Variants in MLPH observed in about 807,000 individuals in gnomAD.
MLPH encodes the protein melanophilin, also known as exophilin-3.
A neutral mutation model predicts 72.1 loss-of-function variants in MLPH; 51 were observed. The observed-to-expected ratio is 0.71, with a 90% CI of 0.56 to 0.89. The LOEUF (loss-of-function observed/expected upper bound fraction) is 0.89, where lower values mean the gene tolerates loss of function less well. MLPH is among the 40% of genes least tolerant of loss of function. The pLI is 0.00. For missense variants in MLPH, 743 were observed against 759.9 expected (o/e 0.98, Z 0.26); for synonymous variants, 301 against 310.1 (o/e 0.97, Z 0.31).
At chr2:237,532,922 G>T (rs1432303040) in intron 8 of MLPH, among the ~76,000 whole-genome samples, 1 of 152,212 alleles carries the variant, frequency 6.6e-6, no homozygotes, top group Non-Finnish European at 1.5e-5. Context: ...TCCGCTGAGA[G>T]ATTGCAAAGA....
At chr2:237,519,109 C>G (rs2080120212) in intron 5 of MLPH, among the ~76,000 whole-genome samples, 1 of 151,766 alleles carries the variant, frequency 6.6e-6, no homozygotes, top group Non-Finnish European at 1.5e-5. Flanking sequence ...CAACCATGAG[C>G]CTTGTGTTTC....
Position 237,510,074 on chromosome 2 carries a change from T to C in MLPH, c.111-500T>C. 1 of 216,220 alleles carries C rather than the reference T, an allele frequency of 4.6e-6. No homozygotes were observed. The highest frequency in any genetic ancestry group is 9.3e-6 in the Non-Finnish European group (1 of 107,490). The allele number at this position is 216,220 out of a possible 1,614,324, so 13.4% of individuals were successfully genotyped here. On this transcript the variant is annotated intron_variant, in intron 2 of 15. Coordinates refer to ENST00000264605, the MANE Select transcript of MLPH (RefSeq NM_024101.7). This position sits in a 1 kb window ranked among gnomAD's most constrained non-coding sequence, Gnocchi z 4.4. The stretch of plus-strand genomic sequence containing the variant: ...CGGATGGTCTAGGAGAACTGTAGAC[T>C]TCCGGGTGCTAGATGATTCCTGCTC...
intron 4 of MLPH, chr2:237,518,169 T>G: frequency 2.7e-6 from 1 of 370,550 alleles, no homozygotes; most frequent in Non-Finnish European, 5.2e-6. Flanking sequence ...CATGGATGGA[T>G]GAGCCACTGA....
Position 237,505,797 on chromosome 2 carries a change from G to T in MLPH, c.111-4777G>T, listed in dbSNP as rs185485687. 6.6e-6 allele frequency among the ~76,000 whole-genome samples: 1 copy of T among 152,334 alleles called. No homozygotes were observed. The highest frequency in any genetic ancestry group is 1.9e-4 in the East Asian group (1 of 5,176). On this transcript the variant is annotated intron_variant, in intron 2 of 15. Coordinates refer to ENST00000264605, the MANE Select transcript of MLPH (RefSeq NM_024101.7). The surrounding 1 kb of genome is among the most constrained non-coding windows in gnomAD (Gnocchi z 4.5). The stretch of plus-strand genomic sequence containing the variant: ...GGCTGCCGGGCCTCCCTTGAGGACA[G>T]GAGTGCCCCCTTGGCTCTGTTCTGC...
At position 237,518,619 on chromosome 2, in the gene MLPH, C is replaced by G. The variant is rs970214875; in HGVS notation, c.526C>G (p.Gln176Glu). The G allele has an allele frequency of 1.2e-6, 2 of 1,612,776 alleles. No homozygotes were observed. The highest frequency in any genetic ancestry group is 3.3e-5 in the Admixed American group (2 of 59,962). ...GGATGGAGAACCTGGCTCAGAGGCC[C>G]AGGCCCAGGCCCAGCCCTTTGGCAG... ...DEDGEPGSEAQAQAQPFGSKK... is the reference protein window; with the variant it reads ...DEDGEPGSEAEAQAQPFGSKK... The change falls in exon 5 of 16, where the codon CAG becomes GAG. Residue 176 changes from glutamine to glutamate, a missense_variant. By Grantham distance (29) the Gln-to-Glu change is conservative (BLOSUM62 2). Transcript: ENST00000264605.
chr2:237,542,055 G>A (rs1420864794), intron 11 of MLPH, among the ~76,000 whole-genome samples: 1 of 152,156 alleles, frequency 6.6e-6, no homozygotes, highest in Non-Finnish European at 1.5e-5. Context: ...GTGTGAGGAG[G>A]GTGGACGGCA....
intron 10 of MLPH, 125 bp from the exon 11 acceptor site, chr2:237,540,677 G>T (rs527365361): frequency 6.6e-7 from 1 of 1,507,962 alleles, no homozygotes; most frequent in African/African-American, 1.4e-5. Flanking sequence ...GCAGCGGGTG[G>T]CCGGCTCCTG....
intron 10 of MLPH, 103 bp from the exon 11 acceptor site, chr2:237,540,699 C>T: frequency 6.5e-7 from 1 of 1,539,942 alleles, no homozygotes; most frequent in Non-Finnish European, 8.8e-7. Context: ...CCAACCAGCT[C>T]CCAGGGTTCA....
chr2:237,530,080 T>C (rs1438459121), intron 8 of MLPH, among the ~76,000 whole-genome samples: 2 of 152,234 alleles, frequency 1.3e-5, no homozygotes, highest in Non-Finnish European at 2.9e-5. Flanking sequence ...TCCAGCGCCC[T>C]GGCCTTTCGG....
chr2:237,553,006 C>A, intron 15 of MLPH: 1 of 443,474 alleles, frequency 2.3e-6, no homozygotes, highest in Admixed American at 2.5e-5. Flanking sequence ...CAGGCTAGAG[C>A]CAGTGGCTCA....
At chr2:237,499,407 G>A (rs2079601722) in intron 2 of MLPH, among the ~76,000 whole-genome samples, 1 of 152,060 alleles carries the variant, frequency 6.6e-6, no homozygotes, top group African/African-American at 2.4e-5. Context: ...GGCCACATGT[G>A]GTTAGTGGCC....
At chr2:237,545,205 ACAGTGGTGAGT>A (rs1436747729) in intron 12 of MLPH, among the ~76,000 whole-genome samples, 1,150 of 74,064 alleles carry the variant, frequency 0.016, 51 homozygotes, top group East Asian at 0.018. Context: ...GTGAGTGGGG[ACAGTGGTGAGT>A]GGGGACAGTG....
intron 2 of MLPH, among the ~76,000 whole-genome samples, chr2:237,497,972 G>A (rs1260201792): frequency 6.6e-6 from 1 of 152,206 alleles, no homozygotes; most frequent in African/African-American, 2.4e-5. Flanking sequence ...CCGCCCAGCA[G>A]TTTCCCATGT....
chr2:237,511,817 C>T (rs1338796672), intron 4 of MLPH, among the ~76,000 whole-genome samples: 2 of 152,298 alleles, frequency 1.3e-5, no homozygotes, highest in South Asian at 2.1e-4. Flanking sequence ...ACAATGTGTT[C>T]GCCTGTAAGA....
At position 237,546,510 on chromosome 2, in the gene MLPH, G is replaced by A. The variant is rs575841157; in HGVS notation, c.1540-96G>A. On this transcript the variant is annotated intron_variant, in intron 12 of 15. Coordinates refer to ENST00000264605, the MANE Select transcript of MLPH (RefSeq NM_024101.7). ...CAGCATCCCCAACCCAGCATGTATA[G>A]AGAGCATCCATCCTTACATCCAGCT... The A allele has an allele frequency of 4.1e-4, 434 of 1,051,218 alleles. 4 individuals carry two copies. In the South Asian group the frequency reaches 5.3e-3, roughly 13 times the overall value. The allele number at this position is 1,051,218 out of a possible 1,614,324, so 65.1% of individuals were successfully genotyped here.
Position 237,541,857 on chromosome 2 carries a change from G to A in MLPH, c.1447-710G>A, listed in dbSNP as rs1054985256. ...GTGAAGGTGAGCCCCTAGAGTGCTC[G>A]GGGCAGGGCGATTGAGATAAGGCAG... is the stretch of plus-strand genomic sequence containing the variant. On this transcript the variant is annotated intron_variant, in intron 11 of 15. Coordinates refer to ENST00000264605, the MANE Select transcript of MLPH (RefSeq NM_024101.7). The surrounding 1 kb of genome is among the most constrained non-coding windows in gnomAD (Gnocchi z 5.1). Among the ~76,000 whole-genome samples the A allele has an allele frequency of 9.2e-5, 14 of 152,222 alleles. No homozygotes were observed. Among genetic ancestry groups the A allele is most frequent in the African/African-American group, 2.9e-4 (12 of 41,468 alleles).
In MLPH at chr2:237,525,635, C is replaced by T; in HGVS notation, c.710C>T (p.Ala237Val). The T allele has an allele frequency of 6.2e-7, 1 of 1,614,152 alleles. No homozygotes were observed. The highest frequency in any genetic ancestry group is 8.5e-7 in the Non-Finnish European group (1 of 1,180,032). ...LTDESCSEKA[A>V]PHKAEGLEEA... ...GATGAGTCCTGCTCAGAGAAGGCAG[C>T]CCCTCACAAGGCTGAGGGCCTGGAG... Residue 237 changes from alanine (A) to valine (V), a missense_variant, in exon 7 of 16, where the codon GCC becomes GTC. Ala to Val is a moderately conservative substitution (Grantham distance 64). Coordinates refer to ENST00000264605, the MANE Select transcript of MLPH (RefSeq NM_024101.7).
chr2:237,534,563 G>C lies in MLPH; in HGVS notation c.1021-1G>C. On this transcript the variant is annotated splice_acceptor_variant, in intron 8 of 15. Coordinates refer to ENST00000264605, the MANE Select transcript of MLPH (RefSeq NM_024101.7). LOFTEE classifies it high-confidence loss of function. ...CCACTGTTTCTCTCCTTCTGCTGCA[G>C]ATCTTTGAGCTGAATAAGCATATTT... 1 of 1,613,210 alleles carries C rather than the reference G, an allele frequency of 6.2e-7. No homozygotes were observed. The highest frequency in any genetic ancestry group is 1.7e-4 in the Middle Eastern group (1 of 6,036).
At chr2:237,511,395 AG>A (rs2079901358) in intron 4 of MLPH, 1 of 401,440 alleles carries the variant, frequency 2.5e-6, no homozygotes, top group Non-Finnish European at 4.7e-6. Context: ...TATAAGTGTG[AG>A]CCACTGTGCC....
Sources: gnomAD v4.1 joint callset for allele counts (sites outside exome capture counted in the v4.1 genomes callset) on GRCh38, gnomAD v4.1.1 for gene constraint, Gnocchi (gnomAD v3.1) non-coding constraint, MANE v1.5 for transcripts, NCBI Gene and HGNC (gene_info 2026-07-23, HGNC 2026-07-21) for gene names.